RARB: variants seen among roughly 807,000 people sequenced by gnomAD.
RARB encodes the protein retinoic acid receptor beta.
In RARB, 17 loss-of-function variants were observed where a neutral mutation model predicts 51.9. The observed-to-expected ratio is 0.33, with a 90% CI of 0.22 to 0.49. The LOEUF (loss-of-function observed/expected upper bound fraction) is 0.49. Among genes scored for constraint, RARB ranks in the 20% least tolerant of loss-of-function variants. The probability of loss-of-function intolerance (pLI) is 0.99; values close to 1 mark genes in which losing one functional copy is unlikely to be tolerated. For synonymous variants in RARB, 215 were observed against 195.4 expected, an observed-to-expected ratio of 1.10 and a Z score of -0.84; for missense variants, 369 against 550.8, an observed-to-expected ratio of 0.67 and a Z score of 3.30.
chr3:25,243,552 A>G (rs1702482828), intron 5 of RARB, among the ~76,000 whole-genome samples: 1 of 152,212 alleles, frequency 6.6e-6, no homozygotes, highest in Admixed American at 6.5e-5. Context: ...CCTTTTCTGC[A>G]TCTGTTGAGA....
At chr3:25,293,057 A>G (rs1703827347) in intron 5 of RARB, among the ~76,000 whole-genome samples, 1 of 152,188 alleles carries the variant, frequency 6.6e-6, no homozygotes, top group African/African-American at 2.4e-5. Context: ...CTGAGAATCC[A>G]ATGCAGACAA....
chr3:25,232,300 A>G lies in RARB; in HGVS notation c.178+57725A>G, dbSNP rs115477936. ...ATTTTGTTCTTCAAAATTGTTTAAC[A>G]ACTTCAGTTCCTTTGACTTTCCACG... On this transcript the variant is annotated intron_variant, in intron 5 of 11. Coordinates refer to the RARB transcript ENST00000383772. 1.8e-3 allele frequency among the ~76,000 whole-genome samples: 268 copies of G among 152,284 alleles called. 2 individuals are homozygous for G. Among genetic ancestry groups the G allele is most frequent in the African/African-American group, 6.3e-3 (261 of 41,562 alleles).
chr3:25,121,601 G>A (rs1346034445), intron 3 of RARB, among the ~76,000 whole-genome samples: 1 of 152,120 alleles, frequency 6.6e-6, no homozygotes, highest in Non-Finnish European at 1.5e-5. Flanking sequence ...GTGGAATGGG[G>A]ATTTGCTCTT....
At chr3:25,414,038 T>C (rs1277123599) in intron 5 of RARB, among the ~76,000 whole-genome samples, 1 of 149,906 alleles carries the variant, frequency 6.7e-6, no homozygotes, top group Non-Finnish European at 1.5e-5. Context: ...AGTTTTTCCA[T>C]GTGCTTTTGT....
intron 1 of RARB, among the ~76,000 whole-genome samples, chr3:24,847,994 T>C (rs1702506943): frequency 6.6e-6 from 1 of 152,196 alleles, no homozygotes; most frequent in Non-Finnish European, 1.5e-5. Flanking sequence ...TGCTTCAGGA[T>C]TATGGGTTTT....
intron 3 of RARB, among the ~76,000 whole-genome samples, chr3:25,525,014 C>A (rs1213064950): frequency 1.3e-5 from 2 of 152,090 alleles, no homozygotes; most frequent in African/African-American, 4.8e-5. Flanking sequence ...TAGGCTTGAG[C>A]CACCACGTCC....
chr3:24,941,502 T>G (rs936359676), intron 2 of RARB, among the ~76,000 whole-genome samples: 2 of 152,014 alleles, frequency 1.3e-5, no homozygotes, highest in Non-Finnish European at 2.9e-5. Context: ...CCCGAATAGC[T>G]GGGATTACAG....
intron 2 of RARB, among the ~76,000 whole-genome samples, chr3:25,009,811 G>A (rs1313771042): frequency 6.6e-6 from 1 of 152,028 alleles, no homozygotes; most frequent in East Asian, 1.9e-4. Context: ...GTCTGGAAAA[G>A]GTCAGAGTGG....
At chr3:24,977,082 G>T (rs1696532903) in intron 2 of RARB, among the ~76,000 whole-genome samples, 2 of 151,982 alleles carry the variant, frequency 1.3e-5, no homozygotes, top group Admixed American at 1.3e-4. Context: ...GATGTATGGT[G>T]TTATTTTTGA....
At chr3:25,470,633 T>C (rs1430994456) in intron 2 of RARB, among the ~76,000 whole-genome samples, 1 of 152,192 alleles carries the variant, frequency 6.6e-6, no homozygotes, top group African/African-American at 2.4e-5. Context: ...TCTGTTAACA[T>C]TTATTTTGCA....
intron 2 of RARB, among the ~76,000 whole-genome samples, chr3:24,877,797 C>A (rs1301386459): frequency 6.6e-6 from 1 of 152,114 alleles, no homozygotes; most frequent in East Asian, 1.9e-4. Flanking sequence ...ATGAAATGAT[C>A]CTCAGGTCAC....
At chr3:25,163,464 C>T (rs1431046197) in intron 4 of RARB, among the ~76,000 whole-genome samples, 2 of 148,154 alleles carry the variant, frequency 1.3e-5, no homozygotes, top group Non-Finnish European at 3.0e-5. Context: ...AAGATCATGC[C>T]ACTGCACACC....
At chr3:24,909,334 G>T (rs1694939864) in intron 2 of RARB, among the ~76,000 whole-genome samples, 1 of 152,116 alleles carries the variant, frequency 6.6e-6, no homozygotes, top group Non-Finnish European at 1.5e-5. Flanking sequence ...ACATGAATTA[G>T]CACACACATG....
chr3:25,540,745 C>T (rs1434437288), intron 3 of RARB, among the ~76,000 whole-genome samples: 1 of 152,162 alleles, frequency 6.6e-6, no homozygotes, highest in African/African-American at 2.4e-5. Context: ...GAGATCATAA[C>T]ATTATTTCAC....
chr3:24,844,304 C>T (rs1219368910), intron 1 of RARB, among the ~76,000 whole-genome samples: 1 of 152,174 alleles, frequency 6.6e-6, no homozygotes, highest in Non-Finnish European at 1.5e-5. Context: ...CTTTTCCCTG[C>T]CTGGCAAGGC....
intron 2 of RARB, among the ~76,000 whole-genome samples, chr3:25,017,841 C>G (rs529152996): frequency 1.3e-5 from 2 of 152,232 alleles, no homozygotes; most frequent in African/African-American, 4.8e-5. Context: ...GAAAGCTAAT[C>G]CCCAGTGTGA....
At chr3:24,997,075 T>C (rs1218384401) in intron 2 of RARB, among the ~76,000 whole-genome samples, 1 of 152,194 alleles carries the variant, frequency 6.6e-6, no homozygotes, top group East Asian at 1.9e-4. Context: ...CCAGCTATTA[T>C]TGTATTGAGG....
chr3:25,350,927 A>G (rs1235879907), intron 5 of RARB, among the ~76,000 whole-genome samples: 2 of 152,148 alleles, frequency 1.3e-5, no homozygotes, highest in African/African-American at 4.8e-5. Context: ...GTGTCAATGG[A>G]CATCAATCAT....
intron 2 of RARB, among the ~76,000 whole-genome samples, chr3:24,982,996 A>T (rs1696709979): frequency 6.6e-6 from 1 of 152,232 alleles, no homozygotes; most frequent in Non-Finnish European, 1.5e-5. Context: ...ATATATAAAC[A>T]TATACATATA....
Sources: allele counts gnomAD v4.1 joint callset (sites outside exome capture counted in the v4.1 genomes callset), GRCh38; gene constraint gnomAD v4.1.1; transcripts MANE v1.5; gene names NCBI Gene and HGNC (gene_info 2026-07-23, HGNC 2026-07-21).